Variants in ESRRG observed in about 807,000 individuals in gnomAD.
ESRRG encodes the protein estrogen-related receptor gamma.
In ESRRG, 13 loss-of-function variants were observed where a neutral mutation model predicts 44.0. That is an observed-to-expected ratio of 0.30 (90% CI 0.19 to 0.47). The LOEUF (loss-of-function observed/expected upper bound fraction) is 0.47. Among genes scored for constraint, ESRRG ranks in the 20% least tolerant of loss-of-function variants. The pLI, the probability that ESRRG is intolerant of heterozygous loss-of-function variation, is 1.00. For synonymous variants in ESRRG, 215 were observed against 214.6 expected (o/e 1.00, Z -0.02); for missense variants, 395 against 580.6 (o/e 0.68, Z 3.29).
At chr1:217,012,488 C>G (rs1446990002) in intron 1 of ESRRG, among the ~76,000 whole-genome samples, 1 of 152,142 alleles carries the variant, frequency 6.6e-6, no homozygotes, top group African/African-American at 2.4e-5. Context: ...TAGCTCCTAA[C>G]TAGATAGTAT....
At chr1:216,706,438 A>G (rs2082464612) in intron 1 of ESRRG, among the ~76,000 whole-genome samples, 1 of 152,164 alleles carries the variant, frequency 6.6e-6, no homozygotes, top group African/African-American at 2.4e-5. Context: ...TGTTGCAGAA[A>G]ATGCTGGCTG....
At chr1:216,891,327 A>G (rs1026301816) in intron 2 of ESRRG, among the ~76,000 whole-genome samples, 10 of 152,218 alleles carry the variant, frequency 6.6e-5, no homozygotes, top group Admixed American at 6.5e-5. Context: ...ATTACAATCA[A>G]TCCTGTGGCT....
At chr1:216,622,262 T>C (rs1236709945) in intron 3 of ESRRG, among the ~76,000 whole-genome samples, 1 of 152,234 alleles carries the variant, frequency 6.6e-6, no homozygotes, top group Non-Finnish European at 1.5e-5. Context: ...TCTGCAGTTC[T>C]AAGAACTAAC....
rs545049256 is a variant in ESRRG at position 216,881,610 on chromosome 1, C to A, written c.-14+57972G>T. On this transcript the variant is annotated intron_variant, in intron 2 of 7. Coordinates refer to the ESRRG transcript ENST00000359162. The stretch of plus-strand genomic sequence containing the variant: ...GGTTCCCATCACCATCCTTGCCTAC[C>A]CTTCTGTTGCTACCTCCCAGCTCCC... Among the ~76,000 whole-genome samples the A allele has an allele frequency of 2.6e-5, 4 of 152,076 alleles. No homozygotes were observed. The South Asian group carries it at 8.3e-4, about 32-fold the overall frequency.
At chr1:217,018,074 T>C (rs1489614537) in intron 1 of ESRRG, among the ~76,000 whole-genome samples, 1 of 152,166 alleles carries the variant, frequency 6.6e-6, no homozygotes, top group Non-Finnish European at 1.5e-5. Flanking sequence ...TATGGATAAA[T>C]AGATTTTTCA....
chr1:216,706,998 G>T (rs941593718), intron 1 of ESRRG, among the ~76,000 whole-genome samples: 1 of 152,192 alleles, frequency 6.6e-6, no homozygotes, highest in Non-Finnish European at 1.5e-5. Context: ...GAACTACCAG[G>T]CAGTGTTGCA....
chr1:216,829,853 C>G (rs1407710664), intron 2 of ESRRG, among the ~76,000 whole-genome samples: 1 of 152,122 alleles, frequency 6.6e-6, no homozygotes, highest in Non-Finnish European at 1.5e-5. Context: ...CGCGCCCGGC[C>G]TGAAATGCCA....
At chr1:216,723,208 C>G (rs368811304) in intron 1 of ESRRG, 36 bp downstream of exon 1, 3 of 1,572,282 alleles carry the variant, frequency 1.9e-6, no homozygotes, top group Non-Finnish European at 1.7e-6. Context: ...CGCACCCCCA[C>G]GACGAGTTTA....
At chr1:216,775,337 C>A (rs1170219879) in intron 2 of ESRRG, among the ~76,000 whole-genome samples, 1 of 151,940 alleles carries the variant, frequency 6.6e-6, no homozygotes, top group South Asian at 2.1e-4. Context: ...TCTCCATAAT[C>A]TTTATCTCTA....
At chr1:216,809,641 T>C (rs2148444985) in intron 2 of ESRRG, among the ~76,000 whole-genome samples, 1 of 152,314 alleles carries the variant, frequency 6.6e-6, no homozygotes, top group Middle Eastern at 3.4e-3. Flanking sequence ...TTTCTTCAGT[T>C]TTAAGCAAAC....
At chr1:216,815,041 C>A (rs1343237897) in intron 2 of ESRRG, among the ~76,000 whole-genome samples, 1 of 152,118 alleles carries the variant, frequency 6.6e-6, no homozygotes, top group African/African-American at 2.4e-5. Flanking sequence ...ATGTTAAGGG[C>A]TTGACGCAGG....
chr1:216,844,415 G>A (rs2095705541), intron 2 of ESRRG, among the ~76,000 whole-genome samples: 1 of 152,076 alleles, frequency 6.6e-6, no homozygotes, highest in African/African-American at 2.4e-5. Flanking sequence ...AGCTTGCTAT[G>A]GTAAATTGAA....
intron 1 of ESRRG, among the ~76,000 whole-genome samples, chr1:217,035,969 A>G (rs10863289): frequency 0.59 from 90,249 of 152,020 alleles, 26,855 homozygotes; most frequent in East Asian, 0.71. Context: ...TACAAGAAGA[A>G]AAAACCAACC....
chr1:217,061,742 T>C (rs2088553769), intron 1 of ESRRG, among the ~76,000 whole-genome samples: 1 of 152,144 alleles, frequency 6.6e-6, no homozygotes. Flanking sequence ...ACAATCTAAA[T>C]TTAATGCCAA....
chr1:216,555,647 C>T (rs2057389893), intron 5 of ESRRG, among the ~76,000 whole-genome samples: 1 of 152,046 alleles, frequency 6.6e-6, no homozygotes, highest in South Asian at 2.1e-4. Flanking sequence ...TTCTCGGATG[C>T]CTGATGTCTC....
chr1:216,647,987 C>A (rs564512953), intron 3 of ESRRG, among the ~76,000 whole-genome samples: 2 of 152,178 alleles, frequency 1.3e-5, no homozygotes, highest in Non-Finnish European at 2.9e-5. Context: ...GTATGGACTG[C>A]TGTGGTCAAC....
intron 1 of ESRRG, among the ~76,000 whole-genome samples, chr1:216,697,981 T>C (rs924619986): frequency 3.3e-5 from 5 of 152,164 alleles, no homozygotes; most frequent in African/African-American, 1.2e-4. Flanking sequence ...CTTCTCAGCC[T>C]CAGTAGCTGC....
intron 5 of ESRRG, among the ~76,000 whole-genome samples, chr1:216,536,136 A>T (rs140476176): frequency 2.0e-4 from 31 of 152,216 alleles, no homozygotes; most frequent in Non-Finnish European, 3.8e-4. Flanking sequence ...TTAATGTAAT[A>T]CTTTAAATAA....
chr1:216,507,666 C>T (rs1333261630), intron 6 of ESRRG, among the ~76,000 whole-genome samples: 1 of 152,176 alleles, frequency 6.6e-6, no homozygotes, highest in Non-Finnish European at 1.5e-5. Context: ...ATTCTAAGAA[C>T]TCCATGTGAC....
Sources: gnomAD v4.1 joint callset for allele counts (sites outside exome capture counted in the v4.1 genomes callset) on GRCh38, gnomAD v4.1.1 for gene constraint, MANE v1.5 for transcripts, NCBI Gene and HGNC (gene_info 2026-07-23, HGNC 2026-07-21) for gene names.